The following NSD1 variants were observed in gnomAD, a reference collection of about 807,000 sequenced individuals.
NSD1 encodes the protein histone-lysine N-methyltransferase, H3 lysine-36 specific.
In NSD1, 26 loss-of-function variants were observed where a neutral mutation model predicts 242.7. The observed-to-expected ratio is 0.11, with a 90% confidence interval of 0.08 to 0.15. The LOEUF (loss-of-function observed/expected upper bound fraction) is 0.15. NSD1 is among the 10% of genes least tolerant of loss of function. The pLI, the probability that NSD1 is intolerant of heterozygous loss-of-function variation, is 1.00. For synonymous variants in NSD1, 1,106 were observed against 1,178.1 expected (o/e 0.94, Z 1.25); for missense variants, 2,495 against 3,272.8 (o/e 0.76, Z 5.80).
intron 22 of NSD1, 58 bp from the exon 23 acceptor site, chr5:177,293,774 G>T: frequency 1.3e-6 from 2 of 1,586,040 alleles, no homozygotes; most frequent in Non-Finnish European, 1.7e-6. Context: ...CATAGCCTTG[G>T]CCCATGTGAT....
rs2149889291 is a variant in NSD1, at chr5:177,239,744, C to T, written c.4193-12C>T. On this transcript the variant is annotated splice_polypyrimidine_tract_variant and intron_variant, in intron 7 of 22. Transcript: ENST00000439151. The stretch of plus-strand genomic sequence containing the variant: ...TTCTAAATCATCTAATGTAAAGATA[C>T]ATGCATTTCAGGAAATTATGAAAGT... 1.4e-6 allele frequency: 2 copies of T among 1,467,222 alleles called. No homozygotes were observed. The highest frequency in any genetic ancestry group is 1.9e-6 in the Non-Finnish European group (2 of 1,047,336). 90.9% of individuals were successfully genotyped at this position (1,467,222 alleles called of 1,614,324 possible).
chr5:177,188,532 G>A (rs1761416095), intron 2 of NSD1, among the ~76,000 whole-genome samples: 1 of 152,100 alleles, frequency 6.6e-6, no homozygotes, highest in Admixed American at 6.5e-5. Flanking sequence ...TAAAATTTGT[G>A]TTTCTCAATG....
In NSD1 at chr5:177,209,935, A is replaced by G; in HGVS notation, c.1536A>G (p.Lys512=). ...ATAATCCAAAAAGGACTAGTGTGAA[A>G]AAGGGCCACATACAATTTGAAGCAC... is the stretch of plus-strand genomic sequence containing the variant. ...SSDNPKRTSV[K]KGHIQFEAHK... Residue 512 remains lysine (K), a synonymous_variant, in exon 5 of 23, where the codon AAA becomes AAG. Transcript: ENST00000439151. 1 of 1,614,142 alleles carries G rather than the reference A, an allele frequency of 6.2e-7. No individual in the cohort carries two copies. Among genetic ancestry groups the G allele is most frequent in the African/African-American group, 1.3e-5 (1 of 75,064 alleles).
intron 18 of NSD1, among the ~76,000 whole-genome samples, 175 bp from the exon 19 acceptor site, chr5:177,282,290 T>C (rs745829022): frequency 6.6e-6 from 1 of 152,120 alleles, no homozygotes; most frequent in Non-Finnish European, 1.5e-5. Flanking sequence ...AGTAAGGAGG[T>C]GTTTCTCATT....
chr5:177,248,947 C>T (rs770259614), intron 11 of NSD1, among the ~76,000 whole-genome samples: 2 of 152,082 alleles, frequency 1.3e-5, no homozygotes, highest in African/African-American at 2.4e-5. Context: ...ATTTAAACTT[C>T]GGCAGTCTGG....
chr5:177,163,145 T>C (rs1276041128), intron 2 of NSD1, among the ~76,000 whole-genome samples: 6 of 149,970 alleles, frequency 4.0e-5, no homozygotes, highest in South Asian at 4.2e-4. Context: ...AATGTCTCTT[T>C]TTTTTTTTTT....
At chr5:177,138,958 A>G (rs1756579217) in intron 2 of NSD1, among the ~76,000 whole-genome samples, 1 of 147,966 alleles carries the variant, frequency 6.8e-6, no homozygotes, top group Non-Finnish European at 1.5e-5. Context: ...GGACTTAAAA[A>G]GTGAGGTCAG....
intron 3 of NSD1, among the ~76,000 whole-genome samples, chr5:177,193,292 C>T (rs1264432919): frequency 6.6e-6 from 1 of 152,150 alleles, no homozygotes; most frequent in Admixed American, 6.5e-5. Flanking sequence ...AGGCGTCCGC[C>T]ACCATGCCTG....
intron 2 of NSD1, among the ~76,000 whole-genome samples, chr5:177,189,823 C>T (rs1376381586): frequency 6.6e-6 from 1 of 152,002 alleles, no homozygotes; most frequent in Non-Finnish European, 1.5e-5. Flanking sequence ...TTATTGGAAC[C>T]TACTCAGATT....
In NSD1 at chr5:177,135,537, C is replaced by T. The variant is rs778880113; in HGVS notation, c.434C>T (p.Thr145Ile). 7 of 1,614,184 alleles carry T rather than the reference C, an allele frequency of 4.3e-6. No homozygotes were observed. The East Asian group carries it at 1.6e-4, about 36-fold the overall frequency. ...SPELQVKVTKTIKNGFLHFEN... is the reference protein window; with the variant it reads ...SPELQVKVTKIIKNGFLHFEN... ...GAACTCCAGGTAAAAGTAACAAAGA[C>T]TATCAAGAATGGCTTTCTGCACTTT... The change falls in exon 2 of 23, where the codon ACT (threonine) becomes ATT (isoleucine). Residue 145 changes from threonine to isoleucine, a missense_variant. Physicochemically the swap from Thr to Ile is moderately conservative, Grantham distance 89. Transcript: ENST00000439151.
rs141911573 is a variant in NSD1, at chr5:177,244,220, A to G, written c.4328A>G (p.Asn1443Ser). 5.1e-5 allele frequency: 82 copies of G among 1,613,436 alleles called. No individual in the cohort carries two copies. The highest frequency in any genetic ancestry group is 1.7e-4 in the Middle Eastern group (1 of 5,950). Reference sequence around the variant, plus strand: ...TGCTATGAAGCTGGTCACCTGGAGAATGGCATAACTGAATCTTGTGCCACA... The same window carrying G: ...TGCTATGAAGCTGGTCACCTGGAGAGTGGCATAACTGAATCTTGTGCCACA... ...KKCYEAGHLE[N>S]GITESCATSY... Residue 1443 changes from asparagine to serine, a missense_variant, in exon 9 of 23, where the codon AAT becomes AGT. By Grantham distance (46) the Asn-to-Ser change is conservative. Around this residue, in one of 19 missense-constraint regions of NSD1, gnomAD observed 100 missense variants for 190.7 expected, o/e 0.52. Transcript: ENST00000439151.
At chr5:177,169,743 A>G (rs747027176) in intron 2 of NSD1, 4 of 152,250 alleles carry the variant, frequency 2.6e-5, no homozygotes, top group East Asian at 1.9e-4. Context: ...CAAAAATAAC[A>G]TAAAGCAAGA....
In NSD1 at chr5:177,134,899, C is replaced by T. The variant is rs1305046297; in HGVS notation, c.-17-188C>T. Among the ~76,000 whole-genome samples the T allele has an allele frequency of 6.6e-6, 1 of 152,122 alleles. No homozygotes were observed. Among genetic ancestry groups the T allele is most frequent in the Non-Finnish European group, 1.5e-5 (1 of 68,020 alleles). On this transcript the variant is annotated intron_variant, in intron 1 of 22. Coordinates refer to ENST00000439151, the MANE Select transcript of NSD1 (RefSeq NM_022455.5). This position sits in a 1 kb window ranked among gnomAD's most constrained non-coding sequence, Gnocchi z 4.2. ...CTATGTAGCAGGATCGGCCCAGCTT[C>T]GGGAAAATGGAGTTTTCAGAGGCTC...
intron 4 of NSD1, among the ~76,000 whole-genome samples, chr5:177,207,918 G>C (rs1245475769): frequency 6.6e-6 from 1 of 151,074 alleles, no homozygotes; most frequent in Non-Finnish European, 1.5e-5. Context: ...GTGTGTGTGT[G>C]TGTGCGTGTG....
At chr5:177,182,003 T>G (rs1415483760) in intron 2 of NSD1, among the ~76,000 whole-genome samples, 4 of 151,802 alleles carry the variant, frequency 2.6e-5, no homozygotes, top group Non-Finnish European at 4.4e-5. Flanking sequence ...ATACAAAAAA[T>G]TAGCCAGGCA....
intron 2 of NSD1, among the ~76,000 whole-genome samples, chr5:177,185,107 T>C (rs557534422): frequency 6.6e-6 from 1 of 152,274 alleles, no homozygotes; most frequent in South Asian, 2.1e-4. Flanking sequence ...AAAGCATTAG[T>C]ACTTCCCCCA....
At position 177,238,090 on chromosome 5, in the gene NSD1, C is replaced by T. The variant is rs1404554902; in HGVS notation, c.3922-147C>T. On this transcript the variant is annotated intron_variant, in intron 6 of 22. Coordinates refer to ENST00000439151, the MANE Select transcript of NSD1 (RefSeq NM_022455.5). This position sits in a 1 kb window ranked among gnomAD's most constrained non-coding sequence, Gnocchi z 4.6. Reference sequence around the variant, plus strand: ...TTGTTCTTTGTGTCTTAAGTAATTTCCCTTAGCATACATAATGTCTTCAAG... The same window carrying T: ...TTGTTCTTTGTGTCTTAAGTAATTTTCCTTAGCATACATAATGTCTTCAAG... 1.2e-5 allele frequency: 10 copies of T among 835,776 alleles called. No individual in the cohort carries two copies. In the Admixed American group the frequency reaches 1.6e-4, roughly 13 times the overall value. The allele number at this position is 835,776 out of a possible 1,614,324, so 51.8% of individuals were successfully genotyped here. A position where few individuals can be genotyped will look rare whatever the true frequency, so the allele number is the denominator to read the frequency against.
chr5:177,149,993 A>G (rs1310398879), intron 2 of NSD1, among the ~76,000 whole-genome samples: 1 of 151,904 alleles, frequency 6.6e-6, no homozygotes, highest in Non-Finnish European at 1.5e-5. Context: ...CTAGAGTGCA[A>G]TTGCGTGATC....
chr5:177,248,777 AT>A (rs1401442409), intron 11 of NSD1, among the ~76,000 whole-genome samples: 4 of 152,204 alleles, frequency 2.6e-5, no homozygotes, highest in Admixed American at 2.6e-4. Context: ...AGTATTTACT[AT>A]GTATGAAGTA....
Sources: gnomAD v4.1 joint callset for allele counts (sites outside exome capture counted in the v4.1 genomes callset) on GRCh38, gnomAD v4.1.1 for gene constraint, gnomAD v4.1.1 regional missense constraint, Gnocchi (gnomAD v3.1) non-coding constraint, MANE v1.5 for transcripts, NCBI Gene and HGNC (gene_info 2026-07-23, HGNC 2026-07-21) for gene names.